ZNF517: variants seen among roughly 807,000 people sequenced by gnomAD.
The protein encoded by ZNF517 is zinc finger protein 517.
ZNF517 carries 12 observed loss-of-function variants against 12.1 expected under a neutral mutation model. The ratio of observed to expected loss-of-function variants is 0.99; its 90% CI spans 0.63 to 1.61. The LOEUF is 1.61. ZNF517 is among the 40% of genes most tolerant of loss of function. The probability of loss-of-function intolerance (pLI) is 0.00; values close to 1 mark genes in which losing one functional copy is unlikely to be tolerated. For missense variants in ZNF517, 781 were observed against 693.2 expected (o/e 1.13, Z -1.42); for synonymous variants, 388 against 310.2 (o/e 1.25, Z -2.63).
chr8:144,810,231 G>A (rs916306425), downstream of ZNF517: 23 of 682,112 alleles, frequency 3.4e-5, no homozygotes, highest in Admixed American at 1.3e-4. Flanking sequence ...TTGGCCCCAC[G>A]GGGAGCACCC....
At chr8:144,805,168 C>T (rs561371335) in intron 4 of ZNF517, among the ~76,000 whole-genome samples, 2 of 152,342 alleles carry the variant, frequency 1.3e-5, no homozygotes, top group African/African-American at 2.4e-5. Flanking sequence ...GGCGTCTTCC[C>T]AGGCACTGGC....
chr8:144,808,636 A>C lies in ZNF517; in HGVS notation c.*241A>C. 1 of 463,720 alleles carries C rather than the reference A, an allele frequency of 2.2e-6. No homozygotes were observed. The highest frequency in any genetic ancestry group is 3.5e-6 in the Non-Finnish European group (1 of 282,318). The allele number at this position is 463,720 out of a possible 1,614,324, so 28.7% of individuals were successfully genotyped here. ...CACCATTTCCTGGGGCCTTCCGGAA[A>C]TGTCCAGGAGCGGGCAGAAGGGAGA... is the stretch of plus-strand genomic sequence containing the variant. On this transcript the variant is annotated 3_prime_UTR_variant, in exon 5 of 5. Coordinates refer to ENST00000359971, the MANE Select transcript of ZNF517 (RefSeq NM_213605.3).
rs201744714 is a variant in ZNF517 at position 144,808,423 on chromosome 8, C to A, written c.*28C>A. 2 of 1,442,462 alleles carry A rather than the reference C, an allele frequency of 1.4e-6. No homozygotes were observed. The highest frequency in any genetic ancestry group is 2.9e-5 in the Admixed American group (1 of 33,942). The allele number at this position is 1,442,462 out of a possible 1,614,324, so 89.4% of individuals were successfully genotyped here. A position where few individuals can be genotyped will look rare whatever the true frequency, so the allele number is the denominator to read the frequency against. ...ACGGGGACGACAGGCCGAGGATTCA[C>A]GCTGGAAGCCCACCCAAGCCGGCGG... On this transcript the variant is annotated 3_prime_UTR_variant, in exon 5 of 5. Transcript: ENST00000359971.
At position 144,807,714 on chromosome 8, in the gene ZNF517, C is replaced by CGGCAA; in HGVS notation, c.802_806dup (p.Phe270ArgfsTer66). 2 of 1,611,584 alleles carry CGGCAA rather than the reference C, an allele frequency of 1.2e-6. No homozygotes were observed. The highest frequency in any genetic ancestry group is 1.7e-6 in the Non-Finnish European group (2 of 1,179,418). On this transcript the variant is annotated frameshift_variant, in exon 5 of 5. Coordinates refer to ENST00000359971, the MANE Select transcript of ZNF517 (RefSeq NM_213605.3). LOFTEE classifies it low-confidence loss of function (END_TRUNC). ...AGCGGCCCTACGCATGCGGCGAGTG[C>CGGCAA]GGCAAGGCCTTCAGCCGCAGCTCCC...
downstream of ZNF517, among the ~76,000 whole-genome samples, chr8:144,812,648 G>A (rs1235421645): frequency 6.6e-6 from 1 of 152,218 alleles, no homozygotes; most frequent in Non-Finnish European, 1.5e-5. Flanking sequence ...ATGGACCTGG[G>A]TTGCCACTTT....
Position 144,802,920 on chromosome 8 carries a change from G to A in ZNF517, c.6G>A (p.Ala2=), listed in dbSNP as rs575487045. M[A]MALPMPGPQE... ...CTCCACAGAGGGACCCTGGAATGGCGATGGCACTCCCGATGCCTGGACCTC... is the reference window on the plus strand; with the variant it reads ...CTCCACAGAGGGACCCTGGAATGGCAATGGCACTCCCGATGCCTGGACCTC... Residue 2 remains alanine, a synonymous_variant, in exon 2 of 5, where the codon GCG becomes GCA. Transcript: ENST00000359971. 53 of 1,613,946 alleles carry A rather than the reference G, an allele frequency of 3.3e-5. No individual in the cohort carries two copies. The South Asian group carries it at 4.5e-4, about 14-fold the overall frequency.
At position 144,804,113 on chromosome 8, in the gene ZNF517, C is replaced by T. The variant is rs776725514; in HGVS notation, c.161-12C>T. On this transcript the variant is annotated splice_polypyrimidine_tract_variant and intron_variant, in intron 3 of 4. Transcript: ENST00000359971. ...TGTACTGATACGTGCTGCTTTCCTT[C>T]TCTGAGCTTAGGCTTTCTTGTTGCC... The T allele has an allele frequency of 3.1e-6, 5 of 1,613,100 alleles. No homozygotes were observed. Among genetic ancestry groups the T allele is most frequent in the Non-Finnish European group, 4.2e-6 (5 of 1,179,176 alleles).
At chr8:144,805,357 G>A (rs942364204) in intron 4 of ZNF517, among the ~76,000 whole-genome samples, 3 of 152,242 alleles carry the variant, frequency 2.0e-5, no homozygotes, top group African/African-American at 7.2e-5. Flanking sequence ...TTGAGATGGA[G>A]TCTCGCTCTG....
At position 144,800,550 on chromosome 8, in the gene ZNF517, A is replaced by G. The variant is rs1826906196; in HGVS notation, c.-46+1613A>G. ...TTCTGGCAGCCTCATACCCTGAGAT[A>G]CTCTGGTTGCCTTGTTGGGGTGAGG... is the stretch of plus-strand genomic sequence containing the variant. On this transcript the variant is annotated intron_variant, in intron 1 of 4. Transcript: ENST00000359971. 4 of 984,932 alleles carry G rather than the reference A, an allele frequency of 4.1e-6. No homozygotes were observed. The African/African-American group carries it at 5.3e-5, about 13-fold the overall frequency. 61.0% of individuals were successfully genotyped at this position (984,932 alleles called of 1,614,324 possible). A position where few individuals can be genotyped will look rare whatever the true frequency, so the allele number is the denominator to read the frequency against.
chr8:144,803,051 A>C, intron 2 of ZNF517, 104 bp downstream of exon 2: 5 of 1,429,094 alleles, frequency 3.5e-6, no homozygotes, highest in African/African-American at 1.4e-5. Context: ...ACCCACCCAC[A>C]TCACAGGATG....
In ZNF517 at chr8:144,807,717, C is replaced by T; in HGVS notation, c.801C>T (p.Gly267=). Residue 267 remains glycine, a synonymous_variant, in exon 5 of 5, where the codon GGC becomes GGT. Transcript: ENST00000359971. ...RERPYACGEC[G]KAFSRSSRLL... ...GGCCCTACGCATGCGGCGAGTGCGG[C>T]AAGGCCTTCAGCCGCAGCTCCCGGC... The T allele has an allele frequency of 6.2e-7, 1 of 1,611,772 alleles. No homozygotes were observed. The highest frequency in any genetic ancestry group is 8.5e-7 in the Non-Finnish European group (1 of 1,179,448).
In ZNF517 at chr8:144,802,935, G is replaced by T; in HGVS notation, c.21G>T (p.Met7Ile). The change falls in exon 2 of 5, where the codon ATG becomes ATT. Residue 7 changes from methionine (M) to isoleucine (I), a missense_variant. Met to Ile is a conservative substitution (Grantham distance 10). Transcript: ENST00000359971. MAMALP[M>I]PGPQEAVVFE... ...CTGGAATGGCGATGGCACTCCCGAT[G>T]CCTGGACCTCAGGTGAGCACCCCCT... 6.2e-7 allele frequency: 1 copy of T among 1,613,926 alleles called. No homozygotes were observed. The highest frequency in any genetic ancestry group is 8.5e-7 in the Non-Finnish European group (1 of 1,179,908).
At chr8:144,806,909 T>C (rs1357808808) in intron 4 of ZNF517, among the ~76,000 whole-genome samples, 1 of 151,532 alleles carries the variant, frequency 6.6e-6, no homozygotes, top group Non-Finnish European at 1.5e-5. Flanking sequence ...AATCATGTTG[T>C]ACACCAAAAA....
intron 4 of ZNF517, among the ~76,000 whole-genome samples, chr8:144,806,142 C>G (rs1030980141): frequency 7.2e-5 from 11 of 152,216 alleles, no homozygotes; most frequent in African/African-American, 2.7e-4. Context: ...TCCCTATGGC[C>G]CATGTGCCAG....
chr8:144,799,917 G>T (rs1826874142), intron 1 of ZNF517, among the ~76,000 whole-genome samples: 1 of 152,220 alleles, frequency 6.6e-6, no homozygotes, highest in Admixed American at 6.5e-5. Context: ...TCCAGGCTGG[G>T]CAACAGAGGG....
In ZNF517 at chr8:144,803,727, G is replaced by T; in HGVS notation, c.120G>T (p.Arg40Ser). The change falls in exon 3 of 5, where the codon AGG becomes AGT. Residue 40 changes from arginine (R) to serine (S), a missense_variant. By Grantham distance (110) the Arg-to-Ser change is moderately radical (BLOSUM62 -1). Coordinates refer to ENST00000359971, the MANE Select transcript of ZNF517 (RefSeq NM_213605.3). ...CLAPDQQALY[R>S]DVMLENYGNL... ...CCCCCGACCAGCAGGCACTCTACAG[G>T]GACGTGATGCTGGAGAACTATGGGA... The T allele has an allele frequency of 4.3e-6, 7 of 1,614,160 alleles. No individual in the cohort carries two copies. The highest frequency in any genetic ancestry group is 5.9e-6 in the Non-Finnish European group (7 of 1,179,984).
chr8:144,800,658 G>A, intron 1 of ZNF517: 3 of 985,366 alleles, frequency 3.0e-6, no homozygotes, highest in Non-Finnish European at 3.6e-6. Context: ...GGCTGGGTGG[G>A]GGTGGTGTGG....
chr8:144,812,912 A>G (rs961188939), downstream of ZNF517, among the ~76,000 whole-genome samples: 11 of 152,212 alleles, frequency 7.2e-5, no homozygotes, highest in Admixed American at 7.2e-4. Flanking sequence ...AGGATACAAA[A>G]TTAACATACA....
rs1243329271 is a variant in ZNF517 at position 144,809,145 on chromosome 8, A to G, written c.*750A>G. On this transcript the variant is annotated 3_prime_UTR_variant, in exon 5 of 5. Coordinates refer to ENST00000359971, the MANE Select transcript of ZNF517 (RefSeq NM_213605.3). ...TGGTTGACAGAGTGACACCCTGTTTAAAAAAAAAAAGCCTAGATGGCTGGT... is the reference window on the plus strand; with the variant it reads ...TGGTTGACAGAGTGACACCCTGTTTGAAAAAAAAAAGCCTAGATGGCTGGT... The G allele has an allele frequency of 7.2e-6, 1 of 138,398 alleles. No individual in the cohort carries two copies. Among genetic ancestry groups the G allele is most frequent in the Admixed American group, 7.0e-5 (1 of 14,224 alleles). The allele number at this position is 138,398 out of a possible 1,614,324, so 8.6% of individuals were successfully genotyped here. A position where few individuals can be genotyped will look rare whatever the true frequency, so the allele number is the denominator to read the frequency against.
Sources: gnomAD v4.1 joint callset for allele counts (sites outside exome capture counted in the v4.1 genomes callset) on GRCh38, gnomAD v4.1.1 for gene constraint, MANE v1.5 for transcripts, NCBI Gene and HGNC (gene_info 2026-07-23, HGNC 2026-07-21) for gene names.